The following PTPRR variants were observed in gnomAD, a reference collection of about 807,000 sequenced individuals.
PTPRR encodes receptor-type tyrosine-protein phosphatase R.
Under a neutral mutation model 77.2 loss-of-function variants are expected in PTPRR, and 38 were observed. The observed-to-expected ratio is 0.49, with a 90% CI of 0.38 to 0.65. PTPRR has a LOEUF of 0.65. Ranked by LOEUF, PTPRR falls within the 30% of genes least tolerant of loss-of-function variation. The pLI is 0.00. For missense variants in PTPRR, 744 were observed against 799.2 expected (o/e 0.93, Z 0.83); for synonymous variants, 299 against 283.1 (o/e 1.06, Z -0.57).
chr12:70,774,992 G>A lies in PTPRR; in HGVS notation c.358-10214C>T, dbSNP rs114251469. Among the ~76,000 whole-genome samples the A allele has an allele frequency of 6.7e-3, 1,023 of 152,150 alleles. 10 individuals are homozygous for A. The highest frequency in any genetic ancestry group is 0.023 in the African/African-American group (958 of 41,512). On this transcript the variant is annotated intron_variant, in intron 2 of 13. Transcript: ENST00000283228. Reference sequence around the variant, plus strand: ...TTCAAGTTGCTGTACAACATTCTGCGATATATTTTTGTTTGGATGCTAAAC... The same window carrying A: ...TTCAAGTTGCTGTACAACATTCTGCAATATATTTTTGTTTGGATGCTAAAC...
intron 2 of PTPRR, among the ~76,000 whole-genome samples, chr12:70,795,977 G>T (rs1891506159): frequency 7.4e-6 from 1 of 134,906 alleles, no homozygotes; most frequent in Admixed American, 8.8e-5. Flanking sequence ...AGGCTGGAGT[G>T]CAGTGGTGCG....
At chr12:70,700,398 G>C (rs1888376810) in intron 7 of PTPRR, among the ~76,000 whole-genome samples, 1 of 152,096 alleles carries the variant, frequency 6.6e-6, no homozygotes, top group Non-Finnish European at 1.5e-5. Flanking sequence ...AGCAACACTG[G>C]TATGTCTAAA....
chr12:70,776,420 G>A (rs908609983), intron 2 of PTPRR, among the ~76,000 whole-genome samples: 8 of 152,038 alleles, frequency 5.3e-5, no homozygotes, highest in Non-Finnish European at 1.2e-4. Flanking sequence ...TTCCCCATAT[G>A]GACATCATAG....
intron 1 of PTPRR, among the ~76,000 whole-genome samples, chr12:70,896,790 C>A (rs891655867): frequency 1.3e-5 from 2 of 151,528 alleles, no homozygotes; most frequent in Admixed American, 6.6e-5. Flanking sequence ...ATTTTTGTAT[C>A]AGGTGTAAGG....
intron 2 of PTPRR, among the ~76,000 whole-genome samples, chr12:70,824,245 C>T (rs1355501446): frequency 6.6e-6 from 1 of 152,112 alleles, no homozygotes; most frequent in Non-Finnish European, 1.5e-5. Flanking sequence ...TGTATTCGCT[C>T]TTATGTCCTT....
chr12:70,883,191 G>T (rs559094594), intron 2 of PTPRR, among the ~76,000 whole-genome samples: 2 of 152,238 alleles, frequency 1.3e-5, no homozygotes, highest in East Asian at 3.9e-4. Context: ...AACCCAGAAG[G>T]TGAAGGTTGC....
intron 6 of PTPRR, among the ~76,000 whole-genome samples, chr12:70,718,593 C>T (rs1889125071): frequency 6.6e-6 from 1 of 152,116 alleles, no homozygotes; most frequent in African/African-American, 2.4e-5. Context: ...AAATACACAC[C>T]TTTTTTGTGT....
chr12:70,762,444 A>C (rs527652258), intron 3 of PTPRR, among the ~76,000 whole-genome samples: 1 of 152,318 alleles, frequency 6.6e-6, no homozygotes, highest in East Asian at 1.9e-4. Context: ...GTTTTCTTTT[A>C]ATGTGCTTTA....
intron 1 of PTPRR, 138 bp downstream of exon 1, chr12:70,920,195 C>G: frequency 1.2e-6 from 1 of 859,798 alleles, no homozygotes; most frequent in East Asian, 2.7e-5. Flanking sequence ...CTCCCTCACC[C>G]CTTCCCTGTC....
At position 70,672,591 on chromosome 12, in the gene PTPRR, CA is replaced by C; in HGVS notation, c.1498-9987del. The C allele has an allele frequency of 2.1e-6, 3 of 1,446,750 alleles. No individual in the cohort carries two copies. In the East Asian group the frequency reaches 7.7e-5, roughly 37 times the overall value. 89.6% of individuals were successfully genotyped at this position (1,446,750 alleles called of 1,614,324 possible). ...TGGGCCTTGCCTTGGTGACCAAGGA[CA>C]GTGTAGCAGATGCACACATCTTAAA... On this transcript the variant is annotated intron_variant, in intron 10 of 13. Coordinates refer to ENST00000283228, the MANE Select transcript of PTPRR (RefSeq NM_002849.4).
chr12:70,772,307 A>G (rs1890995701), intron 2 of PTPRR, among the ~76,000 whole-genome samples: 1 of 152,136 alleles, frequency 6.6e-6, no homozygotes, highest in African/African-American at 2.4e-5. Flanking sequence ...TAATAACGAG[A>G]TTGGTTTACA....
At position 70,716,733 on chromosome 12, in the gene PTPRR, G is replaced by A. The variant is rs149080163; in HGVS notation, c.1008-15410C>T. Among the ~76,000 whole-genome samples, 42 of 152,288 alleles carry A rather than the reference G, an allele frequency of 2.8e-4. No homozygotes were observed. The Middle Eastern group carries it at 0.014, about 49-fold the overall frequency. ...GTGGTGGCTCATGGCTGTAATACCA[G>A]CTACTTGGAAGGCTGAGGCAGGAAG... On this transcript the variant is annotated intron_variant, in intron 6 of 13. Coordinates refer to ENST00000283228, the MANE Select transcript of PTPRR (RefSeq NM_002849.4).
chr12:70,673,039 A>G (rs1592658451), intron 10 of PTPRR: 2 of 1,131,678 alleles, frequency 1.8e-6, no homozygotes, highest in Non-Finnish European at 2.3e-6. Flanking sequence ...AGCAAAAAAA[A>G]AAAAAAAAAA....
chr12:70,700,825 A>C (rs532247791), intron 7 of PTPRR, among the ~76,000 whole-genome samples: 179 of 152,288 alleles, frequency 1.2e-3, no homozygotes, highest in African/African-American at 4.2e-3. Flanking sequence ...GTTCCAGTTA[A>C]ACTGAACAGT....
intron 2 of PTPRR, among the ~76,000 whole-genome samples, chr12:70,889,733 G>A (rs905365583): frequency 4.0e-5 from 6 of 151,688 alleles, no homozygotes; most frequent in African/African-American, 1.2e-4. Flanking sequence ...TTCTCCCCCC[G>A]CTTCTTTTTC....
chr12:70,792,647 G>A (rs545588129), intron 2 of PTPRR, among the ~76,000 whole-genome samples: 1 of 152,160 alleles, frequency 6.6e-6, no homozygotes, highest in East Asian at 1.9e-4. Flanking sequence ...TAGGGGATAG[G>A]TATTAAGAAA....
At chr12:70,814,244 C>T (rs1000860679) in intron 2 of PTPRR, among the ~76,000 whole-genome samples, 1 of 152,118 alleles carries the variant, frequency 6.6e-6, no homozygotes, top group Admixed American at 6.5e-5. Context: ...TTGGGAATGC[C>T]TTGTCCTAAT....
At chr12:70,777,295 T>C (rs1483266821) in intron 2 of PTPRR, among the ~76,000 whole-genome samples, 1 of 152,096 alleles carries the variant, frequency 6.6e-6, no homozygotes, top group Non-Finnish European at 1.5e-5. Flanking sequence ...TTTTATGTTT[T>C]TTTGTTTTTA....
intron 2 of PTPRR, among the ~76,000 whole-genome samples, chr12:70,865,270 T>C (rs1277455181): frequency 1.0e-5 from 1 of 98,964 alleles, no homozygotes; most frequent in Non-Finnish European, 2.6e-5. Context: ...TTTTTCTTTA[T>C]AAATTACCCA....
Sources: gnomAD v4.1 joint callset for allele counts (sites outside exome capture counted in the v4.1 genomes callset) on GRCh38, gnomAD v4.1.1 for gene constraint, MANE v1.5 for transcripts, NCBI Gene and HGNC (gene_info 2026-07-23, HGNC 2026-07-21) for gene names.